Variants in ACACA observed in about 807,000 individuals in gnomAD.
ACACA encodes the protein acetyl-CoA carboxylase alpha.
In ACACA, 103 loss-of-function variants were observed where a neutral mutation model predicts 296.1. That is an observed-to-expected ratio of 0.35 (90% CI 0.30 to 0.41). The LOEUF (loss-of-function observed/expected upper bound fraction) is 0.41, where lower values mean the gene tolerates loss of function less well. ACACA is among the 10% of genes least tolerant of loss of function. The pLI, the probability that ACACA is intolerant of heterozygous loss-of-function variation, is 1.00. For missense variants in ACACA, 1,554 were observed against 2,989.7 expected (o/e 0.52, Z 11.20); for synonymous variants, 953 against 1,038.6 (o/e 0.92, Z 1.58).
At chr17:37,135,822 A>T (rs1019701526) in intron 45 of ACACA, among the ~76,000 whole-genome samples, 1 of 152,206 alleles carries the variant, frequency 6.6e-6, no homozygotes, top group African/African-American at 2.4e-5. Context: ...GAAAGCTGCC[A>T]AAAGTAATCA....
chr17:37,368,538 G>A (rs940211490), intron 1 of ACACA, among the ~76,000 whole-genome samples: 25 of 144,496 alleles, frequency 1.7e-4, no homozygotes, highest in Admixed American at 4.8e-4. Flanking sequence ...CCAAAATTGC[G>A]CCATTGCACT....
chr17:37,155,827 T>C (rs773643343), intron 42 of ACACA, 47 bp from the exon 43 acceptor site: 3 of 1,261,776 alleles, frequency 2.4e-6, no homozygotes, highest in Non-Finnish European at 3.5e-6. Flanking sequence ...CATTGTCATA[T>C]AATCAGAAGA....
chr17:37,314,586 C>G (rs2046994907), intron 3 of ACACA, among the ~76,000 whole-genome samples: 1 of 151,556 alleles, frequency 6.6e-6, no homozygotes, highest in Non-Finnish European at 1.5e-5. Context: ...GGCTCCACGA[C>G]CAGAGGCTGT....
At chr17:37,378,387 G>A (rs912425889) in intron 1 of ACACA, among the ~76,000 whole-genome samples, 1 of 152,210 alleles carries the variant, frequency 6.6e-6, no homozygotes, top group African/African-American at 2.4e-5. Context: ...GGTCATGAAT[G>A]GAAATGGGTT....
At position 37,234,958 on chromosome 17, in the gene ACACA, T is replaced by C. The variant is rs745831301; in HGVS notation, c.3246+17A>G. ...TATCATTGACGGTCTTTACAAGTTCTGAAAAATGGTACTCACAATAAGCAT... is the reference window on the plus strand; with the variant it reads ...TATCATTGACGGTCTTTACAAGTTCCGAAAAATGGTACTCACAATAAGCAT... On this transcript the variant is annotated intron_variant, in intron 25 of 55. Transcript: ENST00000616317. The C allele has an allele frequency of 3.1e-6, 5 of 1,613,876 alleles. No individual in the cohort carries two copies. Among genetic ancestry groups the C allele is most frequent in the Admixed American group, 3.3e-5 (2 of 60,010 alleles).
At chr17:37,185,717 T>A (rs2077506698) in intron 39 of ACACA, among the ~76,000 whole-genome samples, 1 of 151,956 alleles carries the variant, frequency 6.6e-6, no homozygotes, top group Non-Finnish European at 1.5e-5. Flanking sequence ...TACAGGCCCC[T>A]GCCACCACTC....
rs369312038 is a variant in ACACA at position 37,406,251 on chromosome 17, T to A, written c.38+11A>T. On this transcript the variant is annotated intron_variant, in intron 1 of 55. Coordinates refer to ENST00000616317, the MANE Select transcript of ACACA (RefSeq NM_198834.3). ...TCATTAACAGCAGTAATAAGAGATCTTGGGACATACCTAGCCCTCAAGATT... is the reference window on the plus strand; with the variant it reads ...TCATTAACAGCAGTAATAAGAGATCATGGGACATACCTAGCCCTCAAGATT... 6.2e-7 allele frequency: 1 copy of A among 1,614,012 alleles called. No homozygotes were observed. Among genetic ancestry groups the A allele is most frequent in the Admixed American group, 1.7e-5 (1 of 60,020 alleles).
At chr17:37,206,324 GAATA>G (rs1196201199) in intron 32 of ACACA, among the ~76,000 whole-genome samples, 1 of 151,902 alleles carries the variant, frequency 6.6e-6, no homozygotes, top group African/African-American at 2.4e-5. Flanking sequence ...CATAGAGAAA[GAATA>G]ATTTATTTAC....
chr17:37,102,810 A>G lies in ACACA; in HGVS notation c.6566-4826T>C, dbSNP rs972794925. Among the ~76,000 whole-genome samples, 4 of 152,230 alleles carry G rather than the reference A, an allele frequency of 2.6e-5. No individual in the cohort carries two copies. The East Asian group carries it at 7.7e-4, about 29-fold the overall frequency. ...GGCTAACAAAGGTCTTGCCCTCTCAATCAAGCTATTCTAGAGCTTTGAAAG... is the reference window on the plus strand; with the variant it reads ...GGCTAACAAAGGTCTTGCCCTCTCAGTCAAGCTATTCTAGAGCTTTGAAAG... On this transcript the variant is annotated intron_variant, in intron 52 of 55. Transcript: ENST00000616317.
chr17:37,242,062 T>A lies in ACACA; in HGVS notation c.2932-9A>T. ...TCTAGGATGTTTGCAATCTAAGGTA[T>A]AAAAAAGGGAAAAAAATGAGGCCCA... On this transcript the variant is annotated splice_polypyrimidine_tract_variant and intron_variant, in intron 22 of 55. Transcript: ENST00000616317. The A allele has an allele frequency of 6.2e-7, 1 of 1,611,806 alleles. No individual in the cohort carries two copies. Among genetic ancestry groups the A allele is most frequent in the Non-Finnish European group, 8.5e-7 (1 of 1,178,536 alleles).
intron 2 of ACACA, among the ~76,000 whole-genome samples, chr17:37,333,393 T>C (rs1030694916): frequency 6.6e-6 from 1 of 151,948 alleles, no homozygotes; most frequent in Non-Finnish European, 1.5e-5. Context: ...CAACCAGATA[T>C]TGGAGCCAAA....
At chr17:37,216,913 T>C (rs1448435395) in intron 29 of ACACA, among the ~76,000 whole-genome samples, 1 of 151,446 alleles carries the variant, frequency 6.6e-6, no homozygotes, top group Non-Finnish European at 1.5e-5. Context: ...CCCCAACCTA[T>C]GGAGGCTAAA....
chr17:37,316,232 T>C (rs547699970), intron 3 of ACACA, among the ~76,000 whole-genome samples: 1 of 151,790 alleles, frequency 6.6e-6, no homozygotes, highest in Non-Finnish European at 1.5e-5. Context: ...TGACTTGTAA[T>C]TGCCTGAAAA....
rs773280685 is a variant in ACACA at position 37,242,104 on chromosome 17, C to G, written c.2932-51G>C. The G allele has an allele frequency of 3.6e-6, 5 of 1,397,682 alleles. No homozygotes were observed. The South Asian group carries it at 5.8e-5, about 16-fold the overall frequency. 86.6% of individuals were successfully genotyped at this position (1,397,682 alleles called of 1,614,324 possible). A position where few individuals can be genotyped will look rare whatever the true frequency, so the allele number is the denominator to read the frequency against. ...TGAGGCCCAACCCAACAAAATGCCCCAAAGCATCAGCCTCTATAGCACGAC... is the reference window on the plus strand; with the variant it reads ...TGAGGCCCAACCCAACAAAATGCCCGAAAGCATCAGCCTCTATAGCACGAC... On this transcript the variant is annotated intron_variant, in intron 22 of 55. Transcript: ENST00000616317.
At chr17:37,387,454 T>C (rs2050592658) in intron 1 of ACACA, 1 of 148,712 alleles carries the variant, frequency 6.7e-6, no homozygotes, top group Non-Finnish European at 1.5e-5. Flanking sequence ...GTTTTTTTGT[T>C]TTTGTTCTTT....
intron 1 of ACACA, among the ~76,000 whole-genome samples, chr17:37,362,392 A>G (rs2049436570): frequency 6.6e-6 from 1 of 152,206 alleles, no homozygotes; most frequent in South Asian, 2.1e-4. Flanking sequence ...TAAAGTCAGA[A>G]AAGTATGAGA....
In ACACA at chr17:37,361,301, T is replaced by A. The variant is rs116264076; in HGVS notation, c.39-21451A>T. 5.9e-3 allele frequency among the ~76,000 whole-genome samples: 895 copies of A among 152,060 alleles called. 5 individuals carry two copies. Among genetic ancestry groups the A allele is most frequent in the African/African-American group, 0.021 (853 of 41,476 alleles). Reference sequence around the variant, plus strand: ...ATCCGCCCACCTTAGCCTCCCAAAGTGCTGGCCGCAAATGTGAGCCACCAC... The same window carrying A: ...ATCCGCCCACCTTAGCCTCCCAAAGAGCTGGCCGCAAATGTGAGCCACCAC... On this transcript the variant is annotated intron_variant, in intron 1 of 55. Transcript: ENST00000616317.
At chr17:37,127,864 A>C (rs1445429830) in intron 47 of ACACA, among the ~76,000 whole-genome samples, 1 of 143,650 alleles carries the variant, frequency 7.0e-6, no homozygotes, top group African/African-American at 2.6e-5. Flanking sequence ...AAAGAAAAAG[A>C]AAAAAAAAAA....
intron 41 of ACACA, chr17:37,162,485 A>G (rs9890317): frequency 0.023 from 6,815 of 301,762 alleles, 455 homozygotes; most frequent in African/African-American, 0.14. Context: ...GCCTGGTGTG[A>G]GGTGTTTGGG....
Sources: gnomAD v4.1 joint callset for allele counts (sites outside exome capture counted in the v4.1 genomes callset) on GRCh38, gnomAD v4.1.1 for gene constraint, MANE v1.5 for transcripts, NCBI Gene and HGNC (gene_info 2026-07-23, HGNC 2026-07-21) for gene names.